SETD3: variants seen among roughly 807,000 people sequenced by gnomAD.
SETD3 encodes the protein SET domain containing 3, actin N3(tau)-histidine methyltransferase.
SETD3 carries 19 observed loss-of-function variants against 63.0 expected under a neutral mutation model. The observed-to-expected ratio is 0.30, with a 90% CI of 0.21 to 0.44. The LOEUF (loss-of-function observed/expected upper bound fraction) is 0.44, where lower values mean the gene tolerates loss of function less well. SETD3 is among the 20% of genes least tolerant of loss of function. The probability of loss-of-function intolerance (pLI) is 1.00; values close to 1 mark genes in which losing one functional copy is unlikely to be tolerated. For missense variants in SETD3, 587 were observed against 728.5 expected (o/e 0.81, Z 2.24); for synonymous variants, 286 against 264.1 (o/e 1.08, Z -0.80).
chr14:99,400,497 C>T (rs1028722849), intron 11 of SETD3, among the ~76,000 whole-genome samples: 34 of 152,142 alleles, frequency 2.2e-4, no homozygotes, highest in Admixed American at 2.0e-3. Flanking sequence ...CTTGGTAGCA[C>T]TCCAGTTTTC....
Position 99,413,933 on chromosome 14 carries a change from G to C in SETD3, c.677C>G (p.Thr226Ser), listed in dbSNP as rs751738889. 2 of 1,613,918 alleles carry C rather than the reference G, an allele frequency of 1.2e-6. No homozygotes were observed. Among genetic ancestry groups the C allele is most frequent in the Non-Finnish European group, 1.7e-6 (2 of 1,179,766 alleles). ...QYAYFYKVIQ[T>S]HPHANKLPLK... Reference sequence around the variant, plus strand: ...GGGTAGTTTGTTGGCATGAGGATGGGTCTGGGAATTAGAAGTTTTAGAAAG... The same window carrying C: ...GGGTAGTTTGTTGGCATGAGGATGGCTCTGGGAATTAGAAGTTTTAGAAAG... The change falls in exon 7 of 13, where the codon ACC (threonine) becomes AGC (serine). Residue 226 changes from threonine to serine, a missense_variant and splice_region_variant. Physicochemically the swap from Thr to Ser is moderately conservative, Grantham distance 58 (BLOSUM62 1). Coordinates refer to ENST00000331768, the MANE Select transcript of SETD3 (RefSeq NM_032233.3).
At chr14:99,416,223 T>A (rs1429890942) in intron 6 of SETD3, among the ~76,000 whole-genome samples, 1 of 152,166 alleles carries the variant, frequency 6.6e-6, no homozygotes, top group Non-Finnish European at 1.5e-5. Context: ...AAGCTCAATG[T>A]ATTAAAAACA....
At chr14:99,426,611 T>C (rs1488218508) in intron 6 of SETD3, among the ~76,000 whole-genome samples, 1 of 152,292 alleles carries the variant, frequency 6.6e-6, no homozygotes, top group East Asian at 1.9e-4. Flanking sequence ...ACTGACTCCA[T>C]ATTCACCATT....
chr14:99,439,710 A>T lies in SETD3; in HGVS notation c.675+18569T>A, dbSNP rs566172914. Among the ~76,000 whole-genome samples the T allele has an allele frequency of 2.7e-3, 406 of 148,040 alleles. 1 individual carries two copies. The highest frequency in any genetic ancestry group is 9.3e-3 in the African/African-American group (378 of 40,840). ...TTTATATGTATTTATATTTTTATACATATAAATATATGTATTTATATTTTT... is the reference window on the plus strand; with the variant it reads ...TTTATATGTATTTATATTTTTATACTTATAAATATATGTATTTATATTTTT... On this transcript the variant is annotated intron_variant, in intron 6 of 12. Coordinates refer to ENST00000331768, the MANE Select transcript of SETD3 (RefSeq NM_032233.3).
At chr14:99,465,858 G>T (rs755813546) in intron 1 of SETD3, 45 bp from the exon 2 acceptor site, 173 of 1,326,500 alleles carry the variant, frequency 1.3e-4, no homozygotes, top group Non-Finnish European at 1.7e-4. Flanking sequence ...CATTACCAAA[G>T]AACAAAATCA....
intron 8 of SETD3, among the ~76,000 whole-genome samples, chr14:99,407,350 T>C (rs989242188): frequency 6.6e-6 from 1 of 152,172 alleles, no homozygotes; most frequent in Non-Finnish European, 1.5e-5. Flanking sequence ...GCGTCTCACC[T>C]GGTCAGCATT....
intron 6 of SETD3, among the ~76,000 whole-genome samples, chr14:99,434,068 G>A (rs534979229): frequency 2.0e-5 from 3 of 152,226 alleles, no homozygotes; most frequent in Admixed American, 2.0e-4. Context: ...ATACCCAGAA[G>A]AAATGAATGT....
At chr14:99,406,967 C>T (rs1219446934) in intron 8 of SETD3, among the ~76,000 whole-genome samples, 4 of 152,142 alleles carry the variant, frequency 2.6e-5, no homozygotes, top group Non-Finnish European at 4.4e-5. Context: ...TGTTCACTGA[C>T]GATCTGCACT....
chr14:99,412,871 G>A (rs756783138), intron 8 of SETD3, 80 bp downstream of exon 8: 2 of 996,898 alleles, frequency 2.0e-6, no homozygotes, highest in East Asian at 4.8e-5. Flanking sequence ...ACGATGGGTA[G>A]GTGGAATAAC....
chr14:99,423,693 G>GTAC (rs373212652), intron 6 of SETD3, among the ~76,000 whole-genome samples: 41 of 148,094 alleles, frequency 2.8e-4, no homozygotes, highest in African/African-American at 9.7e-4. Context: ...GTCATTCACA[G>GTAC]TACTTCCATA....
intron 6 of SETD3, among the ~76,000 whole-genome samples, chr14:99,418,860 T>C (rs1307473930): frequency 6.6e-6 from 1 of 152,168 alleles, no homozygotes; most frequent in Non-Finnish European, 1.5e-5. Flanking sequence ...ATGGAAAAGA[T>C]GGCAGGCAGG....
At chr14:99,450,268 C>A (rs1209408228) in intron 6 of SETD3, among the ~76,000 whole-genome samples, 3 of 152,176 alleles carry the variant, frequency 2.0e-5, no homozygotes, top group African/African-American at 7.2e-5. Context: ...TCCTGAAGGC[C>A]TCATGTATTA....
At chr14:99,469,847 C>T (rs1274159502) in intron 1 of SETD3, among the ~76,000 whole-genome samples, 1 of 152,238 alleles carries the variant, frequency 6.6e-6, no homozygotes, top group Non-Finnish European at 1.5e-5. Context: ...CACACCAGTC[C>T]TTGCCAGCAG....
At chr14:99,465,875 A>G (rs1895343826) in intron 1 of SETD3, 62 bp from the exon 2 acceptor site, 1 of 1,088,952 alleles carries the variant, frequency 9.2e-7, no homozygotes, top group African/African-American at 1.6e-5. Context: ...ATCAAGTAAT[A>G]AAACATGTCC....
chr14:99,457,461 C>T (rs1296533844), intron 6 of SETD3, among the ~76,000 whole-genome samples: 2 of 152,192 alleles, frequency 1.3e-5, no homozygotes, highest in Non-Finnish European at 2.9e-5. Flanking sequence ...GCAAATAAAA[C>T]ATAGCAAGGA....
At chr14:99,413,359 T>C (rs1418366334) in intron 7 of SETD3, 2 of 317,058 alleles carry the variant, frequency 6.3e-6, no homozygotes, top group Non-Finnish European at 1.2e-5. Flanking sequence ...ACTCACAAAA[T>C]CCACTCCCCG....
chr14:99,413,354 C>T (rs938643685), intron 7 of SETD3: 15 of 326,616 alleles, frequency 4.6e-5, no homozygotes, highest in Non-Finnish European at 6.7e-5. Flanking sequence ...TCGTGACTCA[C>T]AAAATCCACT....
rs778234411 is a variant in SETD3, at chr14:99,404,295, T to C, written c.1107A>G (p.Ala369=). 11 of 1,613,918 alleles carry C rather than the reference T, an allele frequency of 6.8e-6. No homozygotes were observed. The Admixed American group carries it at 1.7e-4, about 24-fold the overall frequency. Residue 369 remains alanine, a synonymous_variant, in exon 11 of 13, where the codon GCA becomes GCG. Coordinates refer to ENST00000331768, the MANE Select transcript of SETD3 (RefSeq NM_032233.3). ...AGATGGGCGGCTCGGTAAAATGCAA[T>C]GCAAAAACACTGGAACTGATAAAAG... is the stretch of plus-strand genomic sequence containing the variant. ...RAGIPTSSVF[A]LHFTEPPISA...
intron 6 of SETD3, among the ~76,000 whole-genome samples, chr14:99,418,886 A>G (rs1301762059): frequency 6.6e-6 from 1 of 152,164 alleles, no homozygotes; most frequent in Non-Finnish European, 1.5e-5. Context: ...AATTTACACT[A>G]AATACCTTGA....
Sources: allele counts gnomAD v4.1 joint callset (sites outside exome capture counted in the v4.1 genomes callset), GRCh38; gene constraint gnomAD v4.1.1; transcripts MANE v1.5; gene names NCBI Gene and HGNC (gene_info 2026-07-23, HGNC 2026-07-21).